Variants in RAB27B observed in about 807,000 individuals in gnomAD.
The protein encoded by RAB27B is RAB27B, member RAS oncogene family.
Under a neutral mutation model 24.6 loss-of-function variants are expected in RAB27B, and 15 were observed. The ratio of observed to expected loss-of-function variants is 0.61; its 90% CI spans 0.41 to 0.94. RAB27B has a LOEUF of 0.94. RAB27B is among the 40% of genes least tolerant of loss of function. RAB27B has a pLI of 0.00. For synonymous variants in RAB27B, 105 were observed against 92.5 expected (o/e 1.14, Z -0.78); for missense variants, 261 against 266.8 (o/e 0.98, Z 0.15).
chr18:54,825,825 G>A (rs375204968), upstream of RAB27B, among the ~76,000 whole-genome samples: 31 of 152,216 alleles, frequency 2.0e-4, no homozygotes, highest in African/African-American at 7.0e-4. Flanking sequence ...ATATACAGAC[G>A]TATAACCAAA....
At chr18:54,744,308 TCTAAG>T (rs1910164932) in intron 2 of RAB27B, among the ~76,000 whole-genome samples, 1 of 151,622 alleles carries the variant, frequency 6.6e-6, no homozygotes, top group African/African-American at 2.4e-5. Flanking sequence ...AAAGAAATCT[TCTAAG>T]AGAAGATAAA....
chr18:54,820,312 C>A (rs976136103), intron 2 of RAB27B, among the ~76,000 whole-genome samples: 1 of 152,188 alleles, frequency 6.6e-6, no homozygotes, highest in Non-Finnish European at 1.5e-5. Context: ...GATTGCCATT[C>A]TAACTGGTGT....
intron 2 of RAB27B, among the ~76,000 whole-genome samples, chr18:54,782,582 T>G (rs1021933870): frequency 6.6e-6 from 1 of 152,226 alleles, no homozygotes; most frequent in African/African-American, 2.4e-5. Context: ...TTTGTGTCAT[T>G]GATGGTCATA....
chr18:54,836,371 A>G (rs889006838), intron 1 of RAB27B, among the ~76,000 whole-genome samples: 1 of 151,836 alleles, frequency 6.6e-6, no homozygotes, highest in Non-Finnish European at 1.5e-5. Flanking sequence ...AGACTTATGC[A>G]TGAGGCCAGG....
At chr18:54,858,440 A>G (rs551265177) in intron 1 of RAB27B, among the ~76,000 whole-genome samples, 20 of 143,724 alleles carry the variant, frequency 1.4e-4, no homozygotes, top group African/African-American at 5.0e-4. Context: ...GCTGGAGTGC[A>G]GTGGTGCGAT....
intron 2 of RAB27B, among the ~76,000 whole-genome samples, chr18:54,816,248 T>A (rs555685850): frequency 6.6e-6 from 1 of 152,184 alleles, no homozygotes; most frequent in Non-Finnish European, 1.5e-5. Flanking sequence ...CTGACCAAAT[T>A]GAGGGTATAA....
chr18:54,784,885 A>G (rs1186827618), intron 2 of RAB27B, among the ~76,000 whole-genome samples: 2 of 152,212 alleles, frequency 1.3e-5, no homozygotes, highest in Non-Finnish European at 2.9e-5. Flanking sequence ...CTTAAAACAT[A>G]TATCAGATCA....
chr18:54,731,490 G>A (rs1476651272), intron 2 of RAB27B, among the ~76,000 whole-genome samples: 1 of 152,200 alleles, frequency 6.6e-6, no homozygotes, highest in Admixed American at 6.5e-5. Context: ...GGAGGCTGAG[G>A]CGGGCAGATC....
intron 2 of RAB27B, among the ~76,000 whole-genome samples, chr18:54,727,683 A>G (rs1909582315): frequency 1.3e-5 from 2 of 152,244 alleles, no homozygotes; most frequent in South Asian, 2.1e-4. Context: ...CCTTTTAGAT[A>G]TAATCACATG....
At chr18:54,859,517 C>T (rs1911928317) in intron 1 of RAB27B, among the ~76,000 whole-genome samples, 1 of 150,930 alleles carries the variant, frequency 6.6e-6, no homozygotes, top group Non-Finnish European at 1.5e-5. Flanking sequence ...TATTCGAAAG[C>T]TAAAGAATAT....
chr18:54,740,386 A>G (rs1323602529), intron 2 of RAB27B, among the ~76,000 whole-genome samples: 2 of 152,242 alleles, frequency 1.3e-5, no homozygotes, highest in African/African-American at 4.8e-5. Context: ...CTTACGTTGA[A>G]TAAACATTTT....
chr18:54,782,112 TA>T (rs1908936831), intron 2 of RAB27B, among the ~76,000 whole-genome samples: 1 of 152,372 alleles, frequency 6.6e-6, no homozygotes, highest in African/African-American at 2.4e-5. Context: ...TGGCAATAGT[TA>T]ACATTCCATT....
intron 1 of RAB27B, among the ~76,000 whole-genome samples, chr18:54,846,515 TA>T (rs1911344760): frequency 6.6e-6 from 1 of 152,076 alleles, no homozygotes; most frequent in African/African-American, 2.4e-5. Context: ...ATCAAATACG[TA>T]AAAGAAGAAT....
rs575806333 is a variant in RAB27B, at chr18:54,888,354, T to G, written c.467+236T>G. Among the ~76,000 whole-genome samples the G allele has an allele frequency of 1.1e-3, 165 of 152,314 alleles. 5 individuals carry two copies. The South Asian group carries it at 0.033, about 31-fold the overall frequency. ...AACAGTTCCTAGACATTAACTCATTTTAACCCATCATAACTAGAGTTATCT... is the reference window on the plus strand; with the variant it reads ...AACAGTTCCTAGACATTAACTCATTGTAACCCATCATAACTAGAGTTATCT... On this transcript the variant is annotated intron_variant, in intron 5 of 5. Coordinates refer to ENST00000262094, the MANE Select transcript of RAB27B (RefSeq NM_004163.4).
intron 2 of RAB27B, among the ~76,000 whole-genome samples, chr18:54,784,439 C>A (rs910725855): frequency 1.3e-5 from 2 of 152,164 alleles, no homozygotes; most frequent in Admixed American, 1.3e-4. Flanking sequence ...TTTTTCACCC[C>A]TTACCCTCCA....
intron 2 of RAB27B, among the ~76,000 whole-genome samples, chr18:54,761,554 A>C (rs1908189940): frequency 6.6e-6 from 1 of 152,306 alleles, no homozygotes; most frequent in South Asian, 2.1e-4. Context: ...ATAAACCTTC[A>C]TCTCAGTTTA....
intron 1 of RAB27B, among the ~76,000 whole-genome samples, chr18:54,833,278 G>A (rs1406877197): frequency 7.4e-6 from 1 of 134,474 alleles, no homozygotes; most frequent in Non-Finnish European, 1.5e-5. Context: ...CCAGGCTGGA[G>A]TGCAATGGCA....
chr18:54,834,522 TG>T (rs1221458203), intron 1 of RAB27B, among the ~76,000 whole-genome samples: 1 of 152,192 alleles, frequency 6.6e-6, no homozygotes, highest in Non-Finnish European at 1.5e-5. Flanking sequence ...TCTTGTTTGA[TG>T]TTTACTTCCT....
At position 54,823,366 on chromosome 18, in the gene RAB27B, T is replaced by A. The variant is rs147196206; in HGVS notation, c.-19-54201T>A. 2.2e-3 allele frequency among the ~76,000 whole-genome samples: 337 copies of A among 152,300 alleles called. 2 individuals are homozygous for A. The highest frequency in any genetic ancestry group is 0.014 in the Middle Eastern group (4 of 294). On this transcript the variant is annotated intron_variant, in intron 2 of 4. Coordinates refer to the RAB27B transcript ENST00000586570. ...CGTGCATAACTTTCTGGTGAAGCCT[T>A]CCCTGCAATCGCAAGAGAAGGGTTA...
Sources: gnomAD v4.1 joint callset for allele counts (sites outside exome capture counted in the v4.1 genomes callset) on GRCh38, gnomAD v4.1.1 for gene constraint, MANE v1.5 for transcripts, NCBI Gene and HGNC (gene_info 2026-07-23, HGNC 2026-07-21) for gene names.